Variants in IGF1 observed in about 807,000 individuals in gnomAD.
The protein encoded by IGF1 is insulin-like growth factor 1.
A neutral mutation model predicts 13.8 loss-of-function variants in IGF1; 4 were observed. The observed-to-expected ratio is 0.29, with a 90% CI of 0.14 to 0.66. IGF1 has a LOEUF of 0.66. IGF1 is among the 30% of genes least tolerant of loss of function. The pLI is 0.78. For synonymous variants in IGF1, 76 were observed against 72.6 expected (o/e 1.05, Z -0.23); for missense variants, 124 against 188.5 (o/e 0.66, Z 2.00).
intron 3 of IGF1, among the ~76,000 whole-genome samples, chr12:102,414,194 G>A (rs1874886849): frequency 2.0e-5 from 3 of 151,854 alleles, no homozygotes; most frequent in Non-Finnish European, 4.4e-5. Context: ...ACACACACAT[G>A]CACACACTAC....
intron 2 of IGF1, among the ~76,000 whole-genome samples, chr12:102,439,465 C>A (rs1194985751): frequency 3.3e-5 from 5 of 151,994 alleles, no homozygotes; most frequent in Non-Finnish European, 5.9e-5. Context: ...TTAAAATAGA[C>A]AAAAATGGGC....
chr12:102,437,815 C>T (rs921544387), intron 2 of IGF1, among the ~76,000 whole-genome samples: 14 of 152,230 alleles, frequency 9.2e-5, no homozygotes, highest in African/African-American at 2.6e-4. Context: ...ATGAGGTGAT[C>T]GATATGCTAA....
At position 102,398,688 on chromosome 12, in the gene IGF1, G is replaced by C. The variant is rs1035311578; in HGVS notation, c.*3819C>G. ...CTTGTGAGTGATAAAAAGTTGAAAG[G>C]TGGTGGTGGCTAGATAGACCTAATG... On this transcript the variant is annotated 3_prime_UTR_variant, in exon 4 of 4. Coordinates refer to ENST00000337514, the MANE Select transcript of IGF1 (RefSeq NM_000618.5). 6.6e-6 allele frequency: 1 copy of C among 152,094 alleles called. No individual in the cohort carries two copies. Among genetic ancestry groups the C allele is most frequent in the Non-Finnish European group, 1.5e-5 (1 of 68,026 alleles). The allele number at this position is 152,094 out of a possible 1,614,324, so 9.4% of individuals were successfully genotyped here.
At chr12:102,419,062 A>T (rs1420396514) in intron 3 of IGF1, among the ~76,000 whole-genome samples, 1 of 152,230 alleles carries the variant, frequency 6.6e-6, no homozygotes, top group Non-Finnish European at 1.5e-5. Context: ...ATGGTCCAAC[A>T]ATTACTTTAT....
intron 2 of IGF1, among the ~76,000 whole-genome samples, chr12:102,439,212 A>G (rs1174299986): frequency 1.3e-5 from 2 of 152,222 alleles, no homozygotes; most frequent in African/African-American, 2.4e-5. Context: ...TGAATGGAGA[A>G]GGGGTGGCCT....
intron 2 of IGF1, among the ~76,000 whole-genome samples, chr12:102,420,697 G>A (rs760854694): frequency 7.2e-5 from 11 of 152,100 alleles, no homozygotes; most frequent in Non-Finnish European, 1.2e-4. Flanking sequence ...AACAGTGAAC[G>A]AAATGTCCAT....
At chr12:102,424,859 T>A (rs1876061338) in intron 2 of IGF1, among the ~76,000 whole-genome samples, 1 of 152,216 alleles carries the variant, frequency 6.6e-6, no homozygotes, top group Non-Finnish European at 1.5e-5. Flanking sequence ...TTGCATTTAC[T>A]TGAAAACCTT....
At chr12:102,408,696 G>T (rs773804740) in intron 3 of IGF1, among the ~76,000 whole-genome samples, 51 of 152,178 alleles carry the variant, frequency 3.4e-4, no homozygotes, top group Admixed American at 1.2e-3. Flanking sequence ...ACCAAGTATG[G>T]TGGGGACATT....
intron 2 of IGF1, among the ~76,000 whole-genome samples, chr12:102,461,023 G>T (rs546081711): frequency 6.6e-6 from 1 of 152,234 alleles, no homozygotes; most frequent in South Asian, 2.1e-4. Flanking sequence ...TTGTTTCAAT[G>T]GCAACAGGTT....
chr12:102,422,900 C>A (rs779466456), intron 2 of IGF1, among the ~76,000 whole-genome samples: 3 of 152,052 alleles, frequency 2.0e-5, no homozygotes, highest in Non-Finnish European at 4.4e-5. Context: ...GCATTCCTAA[C>A]AATTTGAATT....
intron 2 of IGF1, among the ~76,000 whole-genome samples, chr12:102,437,850 T>C (rs1877378888): frequency 6.6e-6 from 1 of 152,238 alleles, no homozygotes; most frequent in African/African-American, 2.4e-5. Flanking sequence ...TTTTACACAA[T>C]GTATGCATGT....
At chr12:102,457,010 T>C (rs1443562328) in intron 2 of IGF1, among the ~76,000 whole-genome samples, 1 of 152,134 alleles carries the variant, frequency 6.6e-6, no homozygotes, top group Non-Finnish European at 1.5e-5. Context: ...AAAACTGCTT[T>C]GGGTAGGCAG....
intron 2 of IGF1, among the ~76,000 whole-genome samples, chr12:102,445,160 T>G (rs1051449822): frequency 6.6e-6 from 1 of 151,352 alleles, no homozygotes; most frequent in African/African-American, 2.4e-5. Context: ...TAGTTTGAAG[T>G]CAGGTAGCGT....
intron 2 of IGF1, among the ~76,000 whole-genome samples, chr12:102,460,324 C>A (rs957174941): frequency 1.3e-5 from 2 of 152,154 alleles, no homozygotes; most frequent in African/African-American, 2.4e-5. Flanking sequence ...TTACTCATTT[C>A]TTTCATCATT....
chr12:102,441,051 A>C (rs1202957023), intron 2 of IGF1, among the ~76,000 whole-genome samples: 1 of 152,196 alleles, frequency 6.6e-6, no homozygotes, highest in Non-Finnish European at 1.5e-5. Flanking sequence ...TCCCCTGTAC[A>C]AGGAAATCTC....
At chr12:102,448,240 G>T (rs1448751100) in intron 2 of IGF1, among the ~76,000 whole-genome samples, 1 of 147,306 alleles carries the variant, frequency 6.8e-6, no homozygotes, top group South Asian at 2.2e-4. Context: ...ACATGCACAC[G>T]TATGTTTATT....
chr12:102,416,133 G>C (rs1479186862), intron 3 of IGF1, among the ~76,000 whole-genome samples: 3 of 152,200 alleles, frequency 2.0e-5, no homozygotes, highest in African/African-American at 4.8e-5. Context: ...CAGGCAGAAA[G>C]GAGGTTCCTT....
chr12:102,450,626 T>C (rs1878838367), intron 2 of IGF1, among the ~76,000 whole-genome samples: 1 of 152,244 alleles, frequency 6.6e-6, no homozygotes, highest in African/African-American at 2.4e-5. Context: ...TGTTGGCAAA[T>C]ACAGATACAG....
chr12:102,427,143 C>T (rs1377675249), intron 2 of IGF1, among the ~76,000 whole-genome samples: 1 of 152,102 alleles, frequency 6.6e-6, no homozygotes, highest in Non-Finnish European at 1.5e-5. Context: ...ATGAAAACTG[C>T]CAGAGAAAGA....
Sources: allele counts gnomAD v4.1 joint callset (sites outside exome capture counted in the v4.1 genomes callset), GRCh38; gene constraint gnomAD v4.1.1; transcripts MANE v1.5; gene names NCBI Gene and HGNC (gene_info 2026-07-23, HGNC 2026-07-21).